The following KDM4C variants were observed in gnomAD, a reference collection of about 807,000 sequenced individuals.
The protein encoded by KDM4C is lysine-specific demethylase 4C.
In KDM4C, 81 loss-of-function variants were observed where a neutral mutation model predicts 129.3. The observed-to-expected ratio is 0.63, with a 90% confidence interval of 0.52 to 0.75. The LOEUF is 0.75. Among genes scored for constraint, KDM4C ranks in the 30% least tolerant of loss-of-function variants. The pLI is 0.00. For synonymous variants in KDM4C, 573 were observed against 456.1 expected (o/e 1.26, Z -3.26); for missense variants, 1,457 against 1,304.0 (o/e 1.12, Z -1.81).
chr9:6,775,653 G>A (rs1282529464), intron 1 of KDM4C, among the ~76,000 whole-genome samples: 1 of 151,874 alleles, frequency 6.6e-6, no homozygotes, highest in African/African-American at 2.4e-5. Context: ...CTCCGGAGTA[G>A]CTGGGATTAC....
At chr9:7,004,383 A>G (rs994617181) in intron 12 of KDM4C, among the ~76,000 whole-genome samples, 2 of 152,214 alleles carry the variant, frequency 1.3e-5, no homozygotes, top group African/African-American at 2.4e-5. Context: ...TATAACTATG[A>G]AAACTTAAAA....
At chr9:6,986,044 G>T (rs912210) in intron 10 of KDM4C, among the ~76,000 whole-genome samples, 84,557 of 151,832 alleles carry the variant, frequency 0.56, 23,992 homozygotes, top group South Asian at 0.73. Context: ...ATGAATTGCT[G>T]GATGGTTTTG....
intron 4 of KDM4C, among the ~76,000 whole-genome samples, chr9:6,819,460 A>C (rs1832658921): frequency 6.6e-6 from 1 of 152,226 alleles, no homozygotes; most frequent in African/African-American, 2.4e-5. Flanking sequence ...AGAGCTGGGA[A>C]TGTATCATTT....
intron 15 of KDM4C, among the ~76,000 whole-genome samples, chr9:7,026,260 G>A (rs1055529119): frequency 2.6e-5 from 4 of 151,664 alleles, no homozygotes; most frequent in African/African-American, 9.7e-5. Flanking sequence ...TTGTAGGATA[G>A]GTATGATGTT....
At chr9:6,763,523 G>A (rs1169537900) in intron 1 of KDM4C, among the ~76,000 whole-genome samples, 1 of 152,136 alleles carries the variant, frequency 6.6e-6, no homozygotes, top group East Asian at 1.9e-4. Flanking sequence ...CCAGAGAAAG[G>A]TTCCCACAAA....
At chr9:7,170,384 G>A (rs891603163) in intron 21 of KDM4C, 48 of 997,622 alleles carry the variant, frequency 4.8e-5, no homozygotes, top group Non-Finnish European at 5.4e-5. Context: ...GCTAAACTCT[G>A]ACTTTCATAA....
chr9:6,733,254 C>G (rs1367781466), intron 1 of KDM4C, among the ~76,000 whole-genome samples: 1 of 152,196 alleles, frequency 6.6e-6, no homozygotes, highest in Non-Finnish European at 1.5e-5. Context: ...AAAGACAAAG[C>G]TGTGAAAACA....
intron 1 of KDM4C, among the ~76,000 whole-genome samples, chr9:6,767,479 G>T (rs1378883748): frequency 6.6e-6 from 1 of 151,366 alleles, no homozygotes; most frequent in Non-Finnish European, 1.5e-5. Context: ...CTGTCACCTA[G>T]GATGCAGTGC....
chr9:7,160,082 A>G (rs1426993324), intron 19 of KDM4C, among the ~76,000 whole-genome samples: 1 of 151,828 alleles, frequency 6.6e-6, no homozygotes, highest in Non-Finnish European at 1.5e-5. Flanking sequence ...CATTATTTTG[A>G]TCTTCAATCA....
In KDM4C at chr9:7,144,188, C is replaced by T. The variant is rs888694888; in HGVS notation, c.2781+15952C>T. Among the ~76,000 whole-genome samples the T allele has an allele frequency of 1.5e-4, 22 of 151,660 alleles. No homozygotes were observed. In the South Asian group the frequency reaches 2.5e-3, roughly 17 times the overall value. ...CTGGTCTCAAACTATTGGGCTCAAG[C>T]GATACGCTCACCTCGGCCTCCCAAA... On this transcript the variant is annotated intron_variant, in intron 19 of 21. Transcript: ENST00000381309.
At chr9:7,076,380 A>T in intron 17 of KDM4C, 2 of 1,270,672 alleles carry the variant, frequency 1.6e-6, no homozygotes, top group African/African-American at 1.5e-5. Context: ...TTTTCACTAT[A>T]ATTTATTAAA....
At chr9:7,095,998 T>G (rs1313589032) in intron 17 of KDM4C, among the ~76,000 whole-genome samples, 1 of 152,092 alleles carries the variant, frequency 6.6e-6, no homozygotes, top group Non-Finnish European at 1.5e-5. Context: ...AAACACCTAT[T>G]TTGTGGTTTA....
chr9:7,023,135 T>C (rs1021688677), intron 15 of KDM4C, among the ~76,000 whole-genome samples: 7 of 152,320 alleles, frequency 4.6e-5, no homozygotes, highest in African/African-American at 1.7e-4. Flanking sequence ...GATTTTGGTA[T>C]CAGGGTAATA....
chr9:6,897,147 G>A (rs1816593083), intron 8 of KDM4C, among the ~76,000 whole-genome samples: 1 of 152,184 alleles, frequency 6.6e-6, no homozygotes, highest in Non-Finnish European at 1.5e-5. Flanking sequence ...CAGTCCTTCA[G>A]TCCAGATGGT....
chr9:6,888,051 T>G lies in KDM4C; in HGVS notation c.771T>G (p.Ile257Met). Residue 257 changes from isoleucine (I) to methionine (M), a missense_variant, in exon 7 of 22, where the codon ATT (isoleucine) becomes ATG (methionine). By Grantham distance (10) the Ile-to-Met change is conservative. Transcript: ENST00000381309. Reference sequence around the variant, plus strand: ...CATCAGTATTGAAGAAATATGGTATTCCCTTTGACAAGGTATGTTAGTATT... The same window carrying G: ...CATCAGTATTGAAGAAATATGGTATGCCCTTTGACAAGGTATGTTAGTATT... ...ISPSVLKKYG[I>M]PFDKITQEAG... 2 of 1,560,222 alleles carry G rather than the reference T, an allele frequency of 1.3e-6. No individual in the cohort carries two copies. Among genetic ancestry groups the G allele is most frequent in the Non-Finnish European group, 8.8e-7 (1 of 1,134,736 alleles).
At chr9:6,816,869 T>G (rs1324021059) in intron 4 of KDM4C, among the ~76,000 whole-genome samples, 1 of 151,680 alleles carries the variant, frequency 6.6e-6, no homozygotes, top group Non-Finnish European at 1.5e-5. Context: ...TTGGCTTAAG[T>G]TCCCTTTTCT....
intron 12 of KDM4C, among the ~76,000 whole-genome samples, chr9:7,003,902 C>G (rs971088597): frequency 1.3e-5 from 2 of 152,118 alleles, no homozygotes; most frequent in African/African-American, 4.8e-5. Context: ...CTGCACTTAT[C>G]CCACCCCACT....
At chr9:6,920,021 A>G (rs1053195651) in intron 8 of KDM4C, among the ~76,000 whole-genome samples, 1 of 152,202 alleles carries the variant, frequency 6.6e-6, no homozygotes. Flanking sequence ...AAATCTGTTC[A>G]CTAAGTCTGT....
intron 1 of KDM4C, chr9:6,734,956 T>C: frequency 1.7e-6 from 1 of 572,246 alleles, no homozygotes; most frequent in Non-Finnish European, 3.5e-6. Context: ...TCTATATGTC[T>C]GTCTAACACA....
Sources: gnomAD v4.1 joint callset for allele counts (sites outside exome capture counted in the v4.1 genomes callset) on GRCh38, gnomAD v4.1.1 for gene constraint, MANE v1.5 for transcripts, NCBI Gene and HGNC (gene_info 2026-07-23, HGNC 2026-07-21) for gene names.